The following FABP6 variants were observed in gnomAD, a reference collection of about 807,000 sequenced individuals.
FABP6 encodes the protein fatty acid binding protein 6.
Under a neutral mutation model 14.9 loss-of-function variants are expected in FABP6, and 13 were observed. That is an observed-to-expected ratio of 0.87 (90% confidence interval 0.57 to 1.39). FABP6 has a LOEUF of 1.39. FABP6 is among the 40% of genes most tolerant of loss of function. The pLI is 0.00. For synonymous variants in FABP6, 75 were observed against 63.6 expected (o/e 1.18, Z -0.85); for missense variants, 161 against 167.2 (o/e 0.96, Z 0.20).
chr5:160,207,991 T>G (rs975815679), intron 2 of FABP6, among the ~76,000 whole-genome samples: 30 of 152,292 alleles, frequency 2.0e-4, no homozygotes, highest in East Asian at 1.9e-4. Flanking sequence ...CTCAAAGTGC[T>G]GGGATTACAG....
chr5:160,203,535 T>A (rs1191363773), intron 2 of FABP6, among the ~76,000 whole-genome samples: 2 of 151,916 alleles, frequency 1.3e-5, no homozygotes, highest in Non-Finnish European at 2.9e-5. Flanking sequence ...CTCACCTCAT[T>A]TTTTTTTCTT....
intron 1 of FABP6, among the ~76,000 whole-genome samples, chr5:160,230,474 C>T (rs1760354262): frequency 6.6e-6 from 1 of 152,168 alleles, no homozygotes; most frequent in Non-Finnish European, 1.5e-5. Context: ...AATTCTCCTA[C>T]CTCAGCCTCT....
intron 1 of FABP6, among the ~76,000 whole-genome samples, chr5:160,194,558 AAAAAAT>A (rs1295132279): frequency 6.6e-6 from 1 of 152,192 alleles, no homozygotes; most frequent in African/African-American, 2.4e-5. Flanking sequence ...TTAAATAAAT[AAAAAAT>A]AAAAATAAAA....
chr5:160,220,175 C>T (rs1183471817), intron 3 of FABP6, among the ~76,000 whole-genome samples: 6 of 152,138 alleles, frequency 3.9e-5, no homozygotes, highest in East Asian at 1.9e-4. Context: ...CTAGGCTGGA[C>T]GAATTGCCAG....
intron 3 of FABP6, among the ~76,000 whole-genome samples, chr5:160,215,517 GAA>G (rs35492213): frequency 2.2e-5 from 3 of 136,024 alleles, no homozygotes; most frequent in African/African-American, 2.7e-5. Context: ...CTGTCTCAGA[GAA>G]AAAAAAAAAA....
At chr5:160,204,986 G>A (rs952060108) in intron 2 of FABP6, among the ~76,000 whole-genome samples, 6 of 151,722 alleles carry the variant, frequency 4.0e-5, no homozygotes, top group South Asian at 2.1e-4. Context: ...GAAAGGGGGC[G>A]TAACAGCTAA....
Position 160,229,525 on chromosome 5 carries a change from C to T in FABP6, c.-33C>T, listed in dbSNP as rs1391397115. On this transcript the variant is annotated 5_prime_UTR_variant, in exon 1 of 4. Transcript: ENST00000402432. ...CTCAGCACCACCCATTCTCCTCATC[C>T]CTCTGCTCTCTGGCCTCCAGCCTCC... is the stretch of plus-strand genomic sequence containing the variant. 2 of 1,613,758 alleles carry T rather than the reference C, an allele frequency of 1.2e-6. No individual in the cohort carries two copies. The highest frequency in any genetic ancestry group is 1.7e-5 in the Admixed American group (1 of 60,016).
rs7734547 is a variant in FABP6, at chr5:160,229,620, C to T, written c.63C>T (p.Leu21=). The T allele has an allele frequency of 2.8e-3, 4,444 of 1,613,682 alleles. 112 individuals are homozygous for T. In the African/African-American group the frequency reaches 0.051, roughly 18 times the overall value. ...SEKNYDEFMK[L]LGISSDVIEK... Reference sequence around the variant, plus strand: ...AGAATTATGATGAGTTCATGAAGCTCCTTGGTGAGTGAGCTCCTGGGTATC... The same window carrying T: ...AGAATTATGATGAGTTCATGAAGCTTCTTGGTGAGTGAGCTCCTGGGTATC... The change falls in exon 1 of 4, where the codon CTC becomes CTT. Residue 21 remains leucine, a synonymous_variant. Coordinates refer to ENST00000402432, the MANE Select transcript of FABP6 (RefSeq NM_001445.3).
intron 2 of FABP6, among the ~76,000 whole-genome samples, chr5:160,209,091 TA>T (rs1257595337): frequency 7.4e-5 from 11 of 147,950 alleles, no homozygotes; most frequent in African/African-American, 9.9e-5. Context: ...ACCCCATTTC[TA>T]AAAAAAAAAG....
intron 2 of FABP6, among the ~76,000 whole-genome samples, chr5:160,207,685 T>A (rs1208005686): frequency 6.6e-6 from 1 of 152,050 alleles, no homozygotes; most frequent in Admixed American, 6.6e-5. Context: ...AAGCAATAGT[T>A]ACATATGAGA....
chr5:160,213,626 A>C, intron 2 of FABP6: 1 of 876,034 alleles, frequency 1.1e-6, no homozygotes, highest in Non-Finnish European at 1.9e-6. Flanking sequence ...ATTGCTTGCA[A>C]TTAAGAGCGC....
At chr5:160,221,076 G>A (rs2113121025) in intron 3 of FABP6, among the ~76,000 whole-genome samples, 1 of 136,726 alleles carries the variant, frequency 7.3e-6, no homozygotes, top group Middle Eastern at 3.9e-3. Flanking sequence ...GTGACAGAGT[G>A]AGACTTTCTC....
At chr5:160,191,176 C>T (rs1429462025) in intron 1 of FABP6, among the ~76,000 whole-genome samples, 2 of 151,728 alleles carry the variant, frequency 1.3e-5, no homozygotes, top group Admixed American at 1.3e-4. Context: ...GAATAAAACC[C>T]CAAACCTGGC....
chr5:160,237,134 G>T (rs931325345), intron 3 of FABP6, among the ~76,000 whole-genome samples: 10 of 152,238 alleles, frequency 6.6e-5, no homozygotes, highest in African/African-American at 2.2e-4. Context: ...TACATGAAAT[G>T]TCAGTCAGTA....
intron 3 of FABP6, among the ~76,000 whole-genome samples, chr5:160,218,936 A>T (rs1222352256): frequency 1.3e-5 from 2 of 151,810 alleles, no homozygotes; most frequent in African/African-American, 4.8e-5. Context: ...TTGTTTTTTA[A>T]TTTTTTTAGA....
chr5:160,188,050 G>T (rs1759322513), intron 1 of FABP6, among the ~76,000 whole-genome samples: 1 of 66,728 alleles, frequency 1.5e-5, no homozygotes, highest in Non-Finnish European at 2.9e-5. Context: ...CTGAGACCCC[G>T]GCCTGCTAAT....
intron 3 of FABP6, chr5:160,213,879 T>A: frequency 7.3e-7 from 1 of 1,375,378 alleles, no homozygotes; most frequent in East Asian, 2.3e-5. Flanking sequence ...TGGTTCTAGT[T>A]CCTCATGAAC....
intron 2 of FABP6, among the ~76,000 whole-genome samples, chr5:160,200,002 G>T (rs1342087568): frequency 6.6e-6 from 1 of 152,208 alleles, no homozygotes; most frequent in East Asian, 1.9e-4. Flanking sequence ...AGGACGTCCT[G>T]TGATGGAAAA....
chr5:160,212,151 G>C (rs1228946357), intron 2 of FABP6, among the ~76,000 whole-genome samples: 6 of 151,156 alleles, frequency 4.0e-5, no homozygotes, highest in Non-Finnish European at 7.4e-5. Flanking sequence ...CCACACAACT[G>C]GCTAATTTCT....
Sources: allele counts gnomAD v4.1 joint callset (sites outside exome capture counted in the v4.1 genomes callset), GRCh38; gene constraint gnomAD v4.1.1; transcripts MANE v1.5; gene names NCBI Gene and HGNC (gene_info 2026-07-23, HGNC 2026-07-21).